Variants in TMPRSS9 observed in about 807,000 individuals in gnomAD.
The protein encoded by TMPRSS9 is transmembrane protease serine 9.
In TMPRSS9, 113 loss-of-function variants were observed where a neutral mutation model predicts 111.4. The observed-to-expected ratio is 1.01, with a 90% CI of 0.87 to 1.19. The LOEUF (loss-of-function observed/expected upper bound fraction) is 1.19, where lower values mean the gene tolerates loss of function less well. Ranked by LOEUF, TMPRSS9 falls within the 50% of genes most tolerant of loss-of-function variation. The probability of loss-of-function intolerance (pLI) is 0.00; values close to 1 mark genes in which losing one functional copy is unlikely to be tolerated. For synonymous variants in TMPRSS9, 805 were observed against 659.1 expected (o/e 1.22, Z -3.39); for missense variants, 1,803 against 1,513.1 (o/e 1.19, Z -3.18).
At chr19:2,393,796 G>A (rs531734389) in intron 1 of TMPRSS9, among the ~76,000 whole-genome samples, 3 of 150,992 alleles carry the variant, frequency 2.0e-5, no homozygotes, top group Admixed American at 6.6e-5. Context: ...TACTCAGGAG[G>A]CTGAGGTTGG....
exon 17 of TMPRSS9, chr19:2,425,383 G>A: frequency 6.5e-7 from 1 of 1,543,478 alleles, no homozygotes; most frequent in Non-Finnish European, 8.7e-7. Flanking sequence ...GCTGCAGAAG[G>A]CGGCCGTGCG....
intron 1 of TMPRSS9, among the ~76,000 whole-genome samples, chr19:2,365,529 C>T (rs964893708): frequency 2.6e-5 from 4 of 151,480 alleles, no homozygotes; most frequent in African/African-American, 7.3e-5. Context: ...CTTTGGCTGC[C>T]GTGGGACCAA....
At chr19:2,366,043 A>G (rs1970246059) in intron 1 of TMPRSS9, among the ~76,000 whole-genome samples, 1 of 152,160 alleles carries the variant, frequency 6.6e-6, no homozygotes, top group African/African-American at 2.4e-5. Context: ...AATGAAGCTG[A>G]GGTGAACCTT....
At chr19:2,395,516 C>T (rs140445173) in intron 1 of TMPRSS9, among the ~76,000 whole-genome samples, 2,518 of 152,084 alleles carry the variant, frequency 0.017, 80 homozygotes, top group African/African-American at 0.058. Context: ...CATCTGAGGT[C>T]GGGAGTTTGA....
intron 1 of TMPRSS9, among the ~76,000 whole-genome samples, chr19:2,379,977 A>G (rs1210556502): frequency 2.6e-5 from 4 of 151,438 alleles, no homozygotes; most frequent in Non-Finnish European, 5.9e-5. Flanking sequence ...TCGACCTCCC[A>G]TAGTGCTCAG....
Position 2,418,251 on chromosome 19 carries a change from C to T in TMPRSS9, c.2154+113C>T, listed in dbSNP as rs565522607. On this transcript the variant is annotated intron_variant, in intron 13 of 17. Coordinates refer to ENST00000648592, the Ensembl canonical transcript of TMPRSS9. The stretch of plus-strand genomic sequence containing the variant: ...TTTTTTTCCTTTCTTTCCTTCCCCC[C>T]CTCCTTCCCTCCTTGTCCTTCCCTC... The T allele has an allele frequency of 6.1e-5, 69 of 1,126,108 alleles. 6 individuals carry two copies. In the African/African-American group the frequency reaches 6.7e-4, roughly 11 times the overall value. The allele number at this position is 1,126,108 out of a possible 1,614,324, so 69.8% of individuals were successfully genotyped here. A position where few individuals can be genotyped will look rare whatever the true frequency, so the allele number is the denominator to read the frequency against.
chr19:2,425,843 G>A (rs1423794567), intron 17 of TMPRSS9, 84 bp from the exon 19 acceptor site: 14 of 1,472,224 alleles, frequency 9.5e-6, no homozygotes, highest in Admixed American at 2.4e-5. Flanking sequence ...AGTCACTAGG[G>A]TCACTCCTAG....
chr19:2,416,940 C>T (rs1041092915), intron 12 of TMPRSS9, 131 bp downstream of exon 13: 2 of 1,240,456 alleles, frequency 1.6e-6, no homozygotes, highest in African/African-American at 3.0e-5. Flanking sequence ...TGGCTGATCC[C>T]TTTGTCTTTG....
chr19:2,417,963 T>C (rs1971289085), intron 12 of TMPRSS9, 39 bp from the exon 14 acceptor site: 4 of 1,610,222 alleles, frequency 2.5e-6, no homozygotes, highest in Non-Finnish European at 2.5e-6. Context: ...GCTCTGATGA[T>C]CACTGTGCAC....
intron 1 of TMPRSS9, among the ~76,000 whole-genome samples, chr19:2,361,134 A>C: frequency 8.2e-6 from 1 of 122,688 alleles, no homozygotes; most frequent in Non-Finnish European, 1.7e-5. Flanking sequence ...AGCTACTGGG[A>C]TGGGGTGCAG....
At chr19:2,364,536 C>T (rs1486667013) in intron 1 of TMPRSS9, among the ~76,000 whole-genome samples, 6 of 151,882 alleles carry the variant, frequency 4.0e-5, no homozygotes, top group East Asian at 3.9e-4. Context: ...GCGGGAGCCA[C>T]GGCACCCAGC....
At chr19:2,414,593 T>G (rs1030038525) in intron 10 of TMPRSS9, among the ~76,000 whole-genome samples, 2 of 151,802 alleles carry the variant, frequency 1.3e-5, no homozygotes, top group African/African-American at 4.8e-5. Flanking sequence ...CTTGTAGGAC[T>G]GGCAGGGTGC....
At position 2,421,748 on chromosome 19, in the gene TMPRSS9, C is replaced by A. The variant is rs143404617; in HGVS notation, c.2155-106C>A. On this transcript the variant is annotated intron_variant, in intron 13 of 17. Coordinates refer to ENST00000648592, the Ensembl canonical transcript of TMPRSS9. Reference sequence around the variant, plus strand: ...AGACCCGCGCTGTGCCCTCTGCCCCCCGCCCTCGATGGCTCCCACCCACTG... The same window carrying A: ...AGACCCGCGCTGTGCCCTCTGCCCCACGCCCTCGATGGCTCCCACCCACTG... 3.0e-4 allele frequency: 395 copies of A among 1,317,366 alleles called. 6 individuals are homozygous for A. The East Asian group carries it at 7.6e-3, about 25-fold the overall frequency. 81.6% of individuals were successfully genotyped at this position (1,317,366 alleles called of 1,614,324 possible).
At chr19:2,398,912 G>A (rs1367555159) in intron 3 of TMPRSS9, 50 bp downstream of exon 4, 1 of 1,529,472 alleles carries the variant, frequency 6.5e-7, no homozygotes, top group African/African-American at 1.4e-5. Flanking sequence ...ACATCTGGGA[G>A]TTTCTGGAGG....
At position 2,375,402 on chromosome 19, in the gene TMPRSS9, T is replaced by C. The variant is rs140932567; in HGVS notation, c.-25-14359T>C. Among the ~76,000 whole-genome samples, 247 of 122,770 alleles carry C rather than the reference T, an allele frequency of 2.0e-3. 2 individuals carry two copies. Among genetic ancestry groups the C allele is most frequent in the African/African-American group, 7.3e-3 (158 of 21,768 alleles). The allele number at this position is 122,770 out of a possible 152,430, so 80.5% of individuals were successfully genotyped here. On this transcript the variant is annotated intron_variant, in intron 1 of 17. Coordinates refer to the TMPRSS9 transcript ENST00000649857. ...GTGATTGCTAGGTCAGGGTCTAGTG[T>C]GGACCAATCACTGATGGGGATGGAG... is the stretch of plus-strand genomic sequence containing the variant.
At chr19:2,415,676 G>T (rs752060604) in exon 11 of TMPRSS9, 1 of 1,589,580 alleles carries the variant, frequency 6.3e-7, no homozygotes, top group Non-Finnish European at 8.6e-7. Flanking sequence ...CCAGAATGTG[G>T]GGCCAGGCCT....
At chr19:2,397,456 A>G (rs1970734470) in intron 2 of TMPRSS9, among the ~76,000 whole-genome samples, 1 of 152,094 alleles carries the variant, frequency 6.6e-6, no homozygotes, top group Non-Finnish European at 1.5e-5. Flanking sequence ...TAGGATGAAC[A>G]GGGAAACACA....
chr19:2,413,888 TCCTGCCCCTGCCGCCCCCAGCACAG>T lies in TMPRSS9; in HGVS notation c.1448_1472del (p.Ala483GlyfsTer65), dbSNP rs1455729970. 1 of 1,613,284 alleles carries T rather than the reference TCCTGCCCCTGCCGCCCCCAGCACAG, an allele frequency of 6.2e-7. No homozygotes were observed. Among genetic ancestry groups the T allele is most frequent in the Non-Finnish European group, 8.5e-7 (1 of 1,179,904 alleles). On this transcript the variant is annotated frameshift_variant, in exon 10 of 18. Coordinates refer to ENST00000648592, the Ensembl canonical transcript of TMPRSS9. LOFTEE classifies it high-confidence loss of function. ...GCATGCCTCTGGCCCCCACCATGGC[TCCTGCCCCTGCCGCCCCCAGCACAG>T]CCTGGCCCACCAGTCCTGAGAGCCC... is the stretch of plus-strand genomic sequence containing the variant.
At chr19:2,424,948 G>T in intron 15 of TMPRSS9, 54 bp from the exon 17 acceptor site, 2 of 1,396,734 alleles carry the variant, frequency 1.4e-6, no homozygotes, top group Admixed American at 3.2e-5. Flanking sequence ...CCACAGGGGC[G>T]GGGGCCGGGG....
Sources: allele counts gnomAD v4.1 joint callset (sites outside exome capture counted in the v4.1 genomes callset), GRCh38; gene constraint gnomAD v4.1.1; transcripts MANE v1.5; gene names NCBI Gene and HGNC (gene_info 2026-07-23, HGNC 2026-07-21).